The following TECRL variants were observed in gnomAD, a reference collection of about 807,000 sequenced individuals.
TECRL encodes trans-2,3-enoyl-CoA reductase like.
TECRL carries 63 observed loss-of-function variants against 52.8 expected under a neutral mutation model. That is an observed-to-expected ratio of 1.19 (90% CI 0.97 to 1.47). The LOEUF (loss-of-function observed/expected upper bound fraction) is 1.47. Among genes scored for constraint, TECRL ranks in the 40% most tolerant of loss-of-function variants. TECRL has a pLI of 0.00. For missense variants in TECRL, 482 were observed against 429.6 expected, an observed-to-expected ratio of 1.12 and a Z score of -1.08; for synonymous variants, 164 against 141.9, an observed-to-expected ratio of 1.16 and a Z score of -1.10.
At chr4:64,382,779 T>G (rs544868468) in intron 1 of TECRL, among the ~76,000 whole-genome samples, 1 of 152,124 alleles carries the variant, frequency 6.6e-6, no homozygotes, top group Non-Finnish European at 1.5e-5. Flanking sequence ...GTATGTCCTT[T>G]GATCCTTTCT....
At chr4:64,400,761 C>T (rs1724300671) in intron 1 of TECRL, among the ~76,000 whole-genome samples, 1 of 152,036 alleles carries the variant, frequency 6.6e-6, no homozygotes, top group South Asian at 2.1e-4. Context: ...ATGGGAAGTG[C>T]CTGCTCCCCG....
intron 10 of TECRL, 127 bp downstream of exon 10, chr4:64,281,347 T>C: frequency 1.6e-6 from 1 of 638,976 alleles, no homozygotes. Context: ...TGTTATACCA[T>C]GATCTGTGGA....
intron 3 of TECRL, among the ~76,000 whole-genome samples, chr4:64,323,372 G>A (rs937493034): frequency 6.6e-6 from 1 of 151,798 alleles, no homozygotes; most frequent in Admixed American, 6.6e-5. Context: ...ACTCCAGTCT[G>A]GGCGACAAAG....
At chr4:64,384,767 G>A (rs139768038) in intron 1 of TECRL, among the ~76,000 whole-genome samples, 287 of 152,272 alleles carry the variant, frequency 1.9e-3, no homozygotes, top group African/African-American at 6.7e-3. Context: ...GGCCCTGACA[G>A]CATGAATAGG....
chr4:64,404,753 T>C (rs894679433), intron 1 of TECRL, among the ~76,000 whole-genome samples: 1 of 152,062 alleles, frequency 6.6e-6, no homozygotes, highest in Non-Finnish European at 1.5e-5. Flanking sequence ...GAGCAGTAGG[T>C]AAAAGGGTTT....
chr4:64,309,536 G>A (rs957865438), intron 6 of TECRL, among the ~76,000 whole-genome samples: 41 of 152,018 alleles, frequency 2.7e-4, no homozygotes, highest in African/African-American at 9.7e-4. Flanking sequence ...TCTTCAAGTG[G>A]CACTCAAATA....
Position 64,306,905 on chromosome 4 carries a change from A to T in TECRL, c.658-1667T>A, listed in dbSNP as rs187484340. Among the ~76,000 whole-genome samples, 13 of 152,326 alleles carry T rather than the reference A, an allele frequency of 8.5e-5. No homozygotes were observed. In the East Asian group the frequency reaches 1.2e-3, roughly 14 times the overall value. ...ACCTCTGTCTGAAAAGAATTTGGAC[A>T]CAAAGTTACAGGCTAACATTCCAAA... On this transcript the variant is annotated intron_variant, in intron 6 of 11. Transcript: ENST00000381210.
At chr4:64,339,377 C>A (rs113420347) in intron 2 of TECRL, among the ~76,000 whole-genome samples, 2 of 151,528 alleles carry the variant, frequency 1.3e-5, no homozygotes, top group African/African-American at 4.9e-5. Context: ...ACCAACATGG[C>A]ACATGTATAC....
At chr4:64,292,696 C>T (rs1041806156) in intron 8 of TECRL, among the ~76,000 whole-genome samples, 1 of 151,652 alleles carries the variant, frequency 6.6e-6, no homozygotes, top group Middle Eastern at 3.2e-3. Flanking sequence ...TATAAGCAAC[C>T]CAGGGACATT....
intron 2 of TECRL, among the ~76,000 whole-genome samples, chr4:64,343,951 A>T (rs1033725162): frequency 6.6e-6 from 1 of 152,022 alleles, no homozygotes; most frequent in Non-Finnish European, 1.5e-5. Flanking sequence ...ACCAGAAAAC[A>T]TAAAATTTTA....
chr4:64,318,232 TA>T (rs996555844), intron 4 of TECRL, among the ~76,000 whole-genome samples: 1 of 151,508 alleles, frequency 6.6e-6, no homozygotes, highest in Admixed American at 6.6e-5. Flanking sequence ...AAAATAAAAA[TA>T]AAAAAATTAA....
intron 1 of TECRL, among the ~76,000 whole-genome samples, chr4:64,387,208 CATTTAAA>C (rs1431098027): frequency 6.6e-6 from 1 of 152,064 alleles, no homozygotes; most frequent in Non-Finnish European, 1.5e-5. Flanking sequence ...TAGTAATGCA[CATTTAAA>C]TTCCCTGAAT....
chr4:64,406,664 C>T (rs1444878471), intron 1 of TECRL, among the ~76,000 whole-genome samples: 1 of 151,856 alleles, frequency 6.6e-6, no homozygotes, highest in Non-Finnish European at 1.5e-5. Flanking sequence ...TTTTATTAAC[C>T]CATATTCTAA....
intron 2 of TECRL, among the ~76,000 whole-genome samples, chr4:64,363,799 A>G (rs550763237): frequency 9.8e-5 from 15 of 152,288 alleles, no homozygotes; most frequent in Admixed American, 8.5e-4. Context: ...CAGATATTTA[A>G]GAATGTTAGC....
chr4:64,362,406 C>T (rs1364939980), intron 2 of TECRL, among the ~76,000 whole-genome samples: 1 of 151,792 alleles, frequency 6.6e-6, no homozygotes. Context: ...TCATCAGATT[C>T]TTCAAAGTCA....
intron 2 of TECRL, among the ~76,000 whole-genome samples, chr4:64,350,099 G>A (rs1320176128): frequency 1.2e-5 from 1 of 80,990 alleles, no homozygotes; most frequent in Non-Finnish European, 3.4e-5. Flanking sequence ...GCAGTGCTGG[G>A]CATTTACTTA....
At chr4:64,348,423 G>T (rs1193804538) in intron 2 of TECRL, among the ~76,000 whole-genome samples, 1 of 152,182 alleles carries the variant, frequency 6.6e-6, no homozygotes, top group Non-Finnish European at 1.5e-5. Flanking sequence ...GGCAAGATTT[G>T]TGTGGGTACA....
intron 1 of TECRL, among the ~76,000 whole-genome samples, chr4:64,378,607 T>C (rs1722563705): frequency 6.6e-6 from 1 of 152,140 alleles, no homozygotes; most frequent in Admixed American, 6.6e-5. Flanking sequence ...GTTATTTTAC[T>C]AATAAGTAAC....
intron 2 of TECRL, among the ~76,000 whole-genome samples, chr4:64,334,651 A>G (rs2110059168): frequency 6.6e-6 from 1 of 152,322 alleles, no homozygotes; most frequent in East Asian, 1.9e-4. Flanking sequence ...GCAACTGCAG[A>G]AAAAAGTTTC....
Sources: allele counts gnomAD v4.1 joint callset (sites outside exome capture counted in the v4.1 genomes callset), GRCh38; gene constraint gnomAD v4.1.1; transcripts MANE v1.5; gene names NCBI Gene and HGNC (gene_info 2026-07-23, HGNC 2026-07-21).